TRDN: variants seen among roughly 807,000 people sequenced by gnomAD.
The protein encoded by TRDN is triadin.
TRDN carries 161 observed loss-of-function variants against 149.7 expected under a neutral mutation model. The ratio of observed to expected loss-of-function variants is 1.08; its 90% CI spans 0.95 to 1.23. The LOEUF is 1.23. Ranked by LOEUF, TRDN falls within the 50% of genes most tolerant of loss-of-function variation. The probability of loss-of-function intolerance (pLI) is 0.00; values close to 1 mark genes in which losing one functional copy is unlikely to be tolerated. For synonymous variants in TRDN, 294 were observed against 250.5 expected, an observed-to-expected ratio of 1.17 and a Z score of -1.64; for missense variants, 896 against 823.5, an observed-to-expected ratio of 1.09 and a Z score of -1.08.
intron 39 of TRDN, 139 bp downstream of exon 39, chr6:123,223,954 A>C: frequency 1.2e-5 from 8 of 644,452 alleles, no homozygotes; most frequent in Non-Finnish European, 2.0e-5. Flanking sequence ...TTGCTTTAAA[A>C]ATAAGCCTAC....
At chr6:123,544,492 C>A (rs904844773) in intron 4 of TRDN, among the ~76,000 whole-genome samples, 1 of 151,972 alleles carries the variant, frequency 6.6e-6, no homozygotes, top group Non-Finnish European at 1.5e-5. Flanking sequence ...CAGTTTTATA[C>A]CCCTTAGAAA....
Position 123,218,490 on chromosome 6 carries a change from T to C in TRDN, c.*111A>G, listed in dbSNP as rs927821154. ...GTCCACACCAGGCCAAAGAGCAAAA[T>C]GTTTTCACAGAAATTCTCTGGGTTG... On this transcript the variant is annotated 3_prime_UTR_variant, in exon 41 of 41. Coordinates refer to ENST00000334268, the MANE Select transcript of TRDN (RefSeq NM_006073.4). The C allele has an allele frequency of 8.2e-6, 11 of 1,335,992 alleles. No homozygotes were observed. The Admixed American group carries it at 1.3e-4, about 16-fold the overall frequency. The allele number at this position is 1,335,992 out of a possible 1,614,324, so 82.8% of individuals were successfully genotyped here. A position where few individuals can be genotyped will look rare whatever the true frequency, so the allele number is the denominator to read the frequency against.
intron 38 of TRDN, among the ~76,000 whole-genome samples, chr6:123,237,065 T>G (rs1433166793): frequency 6.6e-6 from 1 of 152,140 alleles, no homozygotes; most frequent in Non-Finnish European, 1.5e-5. Flanking sequence ...TTAGATTTTC[T>G]TTAATAATTT....
chr6:123,334,008 G>T (rs149071442), intron 22 of TRDN, among the ~76,000 whole-genome samples: 1 of 152,124 alleles, frequency 6.6e-6, no homozygotes, highest in East Asian at 1.9e-4. Context: ...AATGGTTTCA[G>T]ATTTTCCACT....
intron 4 of TRDN, among the ~76,000 whole-genome samples, chr6:123,536,190 C>T (rs942074338): frequency 2.0e-5 from 3 of 152,128 alleles, no homozygotes; most frequent in African/African-American, 7.2e-5. Context: ...ATTTGTCTCT[C>T]TCACTAAATA....
At chr6:123,373,485 C>A (rs1334011508) in intron 19 of TRDN, among the ~76,000 whole-genome samples, 1 of 152,120 alleles carries the variant, frequency 6.6e-6, no homozygotes, top group Admixed American at 6.6e-5. Context: ...ATGCTCTATT[C>A]TGAAGGTGAT....
rs1273214503 is a variant in TRDN, at chr6:123,633,157, C to A, written c.22+3597G>T. ...AAAAAGCTTTCTTGAACTAAGCGTT[C>A]TAGTAAATACTAAGTTAATTATATA... On this transcript the variant is annotated intron_variant, in intron 1 of 40. Coordinates refer to ENST00000334268, the MANE Select transcript of TRDN (RefSeq NM_006073.4). Among the ~76,000 whole-genome samples the A allele has an allele frequency of 3.9e-5, 6 of 152,020 alleles. 1 individual carries two copies. Among genetic ancestry groups the A allele is most frequent in the African/African-American group, 1.4e-4 (6 of 41,422 alleles).
chr6:123,620,616 C>T (rs906709747), intron 1 of TRDN, among the ~76,000 whole-genome samples: 2 of 152,006 alleles, frequency 1.3e-5, no homozygotes, highest in Non-Finnish European at 2.9e-5. Context: ...CTTCTTTTCT[C>T]ACACACTGAG....
intron 19 of TRDN, among the ~76,000 whole-genome samples, chr6:123,373,041 A>G (rs767129326): frequency 2.0e-5 from 3 of 152,158 alleles, no homozygotes; most frequent in African/African-American, 4.8e-5. Flanking sequence ...ATGTGGAAGC[A>G]TGGAGTGCTC....
intron 13 of TRDN, among the ~76,000 whole-genome samples, chr6:123,393,341 A>G (rs1327460544): frequency 6.6e-6 from 1 of 152,076 alleles, no homozygotes; most frequent in Admixed American, 6.6e-5. Context: ...ACATCAATGG[A>G]TTATTTTTAA....
At chr6:123,386,451 T>TTCTCTG (rs1781910221) in intron 14 of TRDN, among the ~76,000 whole-genome samples, 1 of 152,220 alleles carries the variant, frequency 6.6e-6, no homozygotes, top group Non-Finnish European at 1.5e-5. Flanking sequence ...GAATATCAGA[T>TTCTCTG]AACAGCTCAC....
At chr6:123,223,708 C>CCTTT (rs1357226243) in intron 39 of TRDN, among the ~76,000 whole-genome samples, 7 of 149,524 alleles carry the variant, frequency 4.7e-5, no homozygotes, top group Non-Finnish European at 8.9e-5. Context: ...TTCCTTCCTT[C>CCTTT]CTTCCTTCCT....
At chr6:123,573,404 T>C (rs924674119) in intron 1 of TRDN, among the ~76,000 whole-genome samples, 4 of 152,074 alleles carry the variant, frequency 2.6e-5, no homozygotes, top group Admixed American at 2.6e-4. Flanking sequence ...TTTTCATTTA[T>C]TACATCACCT....
chr6:123,380,330 T>C (rs771513996), intron 16 of TRDN, among the ~76,000 whole-genome samples: 39 of 152,338 alleles, frequency 2.6e-4, no homozygotes, highest in Non-Finnish European at 4.4e-4. Context: ...TATCTCTATA[T>C]GTACTTTAAT....
At chr6:123,532,999 A>T (rs1780324746) in intron 4 of TRDN, among the ~76,000 whole-genome samples, 1 of 151,900 alleles carries the variant, frequency 6.6e-6, no homozygotes, top group Non-Finnish European at 1.5e-5. Flanking sequence ...AAGCCAACAG[A>T]TGCTGTGAAG....
intron 9 of TRDN, among the ~76,000 whole-genome samples, chr6:123,480,801 G>A (rs1199444338): frequency 6.6e-6 from 1 of 152,010 alleles, no homozygotes; most frequent in East Asian, 1.9e-4. Flanking sequence ...TGACATTTTT[G>A]TAAACTACCT....
At chr6:123,253,927 T>G (rs544578335) in intron 37 of TRDN, among the ~76,000 whole-genome samples, 1 of 152,136 alleles carries the variant, frequency 6.6e-6, no homozygotes, top group Non-Finnish European at 1.5e-5. Context: ...AATAGAATAC[T>G]GAAGTACGAA....
intron 1 of TRDN, among the ~76,000 whole-genome samples, chr6:123,617,611 A>T (rs939013839): frequency 1.3e-5 from 2 of 152,194 alleles, no homozygotes; most frequent in Non-Finnish European, 2.9e-5. Flanking sequence ...ATGTATCATT[A>T]GTTGTCACAA....
intron 9 of TRDN, among the ~76,000 whole-genome samples, chr6:123,483,381 C>A (rs1197765882): frequency 6.6e-6 from 1 of 151,920 alleles, no homozygotes; most frequent in South Asian, 2.1e-4. Context: ...AGATTACAGG[C>A]GTGAGCCACT....
Sources: allele counts gnomAD v4.1 joint callset (sites outside exome capture counted in the v4.1 genomes callset), GRCh38; gene constraint gnomAD v4.1.1; transcripts MANE v1.5; gene names NCBI Gene and HGNC (gene_info 2026-07-23, HGNC 2026-07-21).